KCNMB2: variants seen among roughly 807,000 people sequenced by gnomAD.
KCNMB2 encodes calcium-activated potassium channel subunit beta-2.
Under a neutral mutation model 24.5 loss-of-function variants are expected in KCNMB2, and 9 were observed. The observed-to-expected ratio is 0.37, with a 90% CI of 0.22 to 0.64. KCNMB2 has a LOEUF of 0.64. Ranked by LOEUF, KCNMB2 falls within the 30% of genes least tolerant of loss-of-function variation. The pLI is 0.63. For missense variants in KCNMB2, 226 were observed against 284.3 expected, an observed-to-expected ratio of 0.79 and a Z score of 1.47; for synonymous variants, 109 against 104.4, an observed-to-expected ratio of 1.04 and a Z score of -0.27.
Position 178,820,910 on chromosome 3 carries a change from C to T in KCNMB2, c.57-4678C>T, listed in dbSNP as rs557075181. 5.3e-5 allele frequency among the ~76,000 whole-genome samples: 8 copies of T among 152,318 alleles called. No homozygotes were observed. The South Asian group carries it at 1.7e-3, about 32-fold the overall frequency. ...GCACATATCTACTATTTGTTATTGT[C>T]AACATGTGGTTCACCCTGAAGCCAA... On this transcript the variant is annotated intron_variant, in intron 2 of 4. Coordinates refer to ENST00000452583, the MANE Select transcript of KCNMB2 (RefSeq NM_181361.3).
At chr3:178,594,153 G>A (rs537236533) in intron 1 of KCNMB2, among the ~76,000 whole-genome samples, 1 of 151,974 alleles carries the variant, frequency 6.6e-6, no homozygotes, top group African/African-American at 2.4e-5. Flanking sequence ...AGATTAGGTG[G>A]TAGACAGAAA....
intron 1 of KCNMB2, among the ~76,000 whole-genome samples, chr3:178,611,888 T>G (rs36011768): frequency 0.079 from 12,037 of 152,212 alleles, 573 homozygotes; most frequent in Middle Eastern, 0.21. Flanking sequence ...TAGACACTGA[T>G]AGCTATAAAC....
chr3:178,804,969 C>T (rs1356592622), intron 1 of KCNMB2, among the ~76,000 whole-genome samples: 2 of 152,080 alleles, frequency 1.3e-5, no homozygotes, highest in Admixed American at 6.6e-5. Context: ...GGATGTAGTC[C>T]CTATTCTATT....
chr3:178,537,898 A>C (rs1715463151), intron 1 of KCNMB2, among the ~76,000 whole-genome samples: 1 of 152,234 alleles, frequency 6.6e-6, no homozygotes, highest in South Asian at 2.1e-4. Context: ...CAGATATGTG[A>C]AATAATTATA....
intron 1 of KCNMB2, among the ~76,000 whole-genome samples, chr3:178,763,350 T>G (rs1711989081): frequency 6.6e-6 from 1 of 152,058 alleles, no homozygotes; most frequent in South Asian, 2.1e-4. Flanking sequence ...CACCAAAGAT[T>G]GGGGTTCAGT....
intron 1 of KCNMB2, among the ~76,000 whole-genome samples, chr3:178,724,922 G>A (rs138663820): frequency 7.9e-5 from 12 of 152,190 alleles, no homozygotes; most frequent in African/African-American, 1.7e-4. Context: ...AGTATAGTTC[G>A]AAGTTGGGTA....
At chr3:178,833,828 T>C (rs4499576) in intron 4 of KCNMB2, among the ~76,000 whole-genome samples, 98,146 of 152,040 alleles carry the variant, frequency 0.65, 33,590 homozygotes, top group African/African-American at 0.87. Flanking sequence ...ACCGAAGCTG[T>C]TTAAGCTGAT....
At chr3:178,659,669 T>C (rs1344698002) in intron 1 of KCNMB2, among the ~76,000 whole-genome samples, 1 of 152,314 alleles carries the variant, frequency 6.6e-6, no homozygotes, top group African/African-American at 2.4e-5. Flanking sequence ...GCCTCTGATA[T>C]ATAATGCAAG....
intron 1 of KCNMB2, among the ~76,000 whole-genome samples, chr3:178,780,718 T>C (rs533441959): frequency 5.4e-4 from 82 of 152,306 alleles, no homozygotes; most frequent in African/African-American, 1.9e-3. Context: ...TTGCATGACC[T>C]TGGGCAAATT....
At chr3:178,695,109 C>A (rs1318583628) in intron 1 of KCNMB2, among the ~76,000 whole-genome samples, 2 of 152,258 alleles carry the variant, frequency 1.3e-5, no homozygotes, top group African/African-American at 4.8e-5. Context: ...CTACACACTG[C>A]AGGACAAACA....
chr3:178,590,695 G>A lies in KCNMB2; in HGVS notation c.-68+53984G>A, dbSNP rs539299342. Among the ~76,000 whole-genome samples, 3 of 152,138 alleles carry A rather than the reference G, an allele frequency of 2.0e-5. No homozygotes were observed. The South Asian group carries it at 6.2e-4, about 32-fold the overall frequency. On this transcript the variant is annotated intron_variant, in intron 1 of 4. Coordinates refer to ENST00000452583, the MANE Select transcript of KCNMB2 (RefSeq NM_181361.3). Reference sequence around the variant, plus strand: ...TGAAATTAATGCACAGAACAGTTAAGTAACTTGCCTTGAGCCATACAGCTT... The same window carrying A: ...TGAAATTAATGCACAGAACAGTTAAATAACTTGCCTTGAGCCATACAGCTT...
chr3:178,836,781 C>T (rs1418941765), intron 4 of KCNMB2, among the ~76,000 whole-genome samples: 1 of 151,976 alleles, frequency 6.6e-6, no homozygotes, highest in African/African-American at 2.4e-5. Flanking sequence ...AAAGCTAAAT[C>T]TTCCCGTTCC....
intron 1 of KCNMB2, among the ~76,000 whole-genome samples, chr3:178,551,539 G>GA (rs1390431170): frequency 6.6e-6 from 1 of 152,126 alleles, no homozygotes; most frequent in Non-Finnish European, 1.5e-5. Flanking sequence ...GATTTGGAGG[G>GA]AAAATCCTTG....
intron 1 of KCNMB2, among the ~76,000 whole-genome samples, chr3:178,777,107 T>C (rs146405561): frequency 1.3e-5 from 2 of 152,090 alleles, no homozygotes; most frequent in Non-Finnish European, 2.9e-5. Context: ...GATTATGCCA[T>C]GTGAAGAATA....
intron 1 of KCNMB2, among the ~76,000 whole-genome samples, chr3:178,774,429 T>C (rs1712496546): frequency 6.6e-6 from 1 of 152,352 alleles, no homozygotes; most frequent in East Asian, 1.9e-4. Context: ...CTCACGGTTT[T>C]GGGGAATCCA....
chr3:178,548,355 T>G (rs1715842736), intron 1 of KCNMB2, among the ~76,000 whole-genome samples: 1 of 152,216 alleles, frequency 6.6e-6, no homozygotes, highest in South Asian at 2.1e-4. Flanking sequence ...ACCTTGATCA[T>G]GGAACTTCCC....
At chr3:178,793,742 T>C (rs532509121) in intron 1 of KCNMB2, among the ~76,000 whole-genome samples, 1 of 152,138 alleles carries the variant, frequency 6.6e-6, no homozygotes, top group Admixed American at 6.5e-5. Context: ...CTATCAGGGA[T>C]CCAAGCCAGC....
intron 1 of KCNMB2, among the ~76,000 whole-genome samples, chr3:178,708,402 A>G (rs928554871): frequency 6.6e-6 from 1 of 152,120 alleles, no homozygotes; most frequent in African/African-American, 2.4e-5. Context: ...ACATTCTCTC[A>G]TTTAATTCTC....
intron 1 of KCNMB2, among the ~76,000 whole-genome samples, chr3:178,578,477 T>C (rs974418248): frequency 3.3e-5 from 5 of 152,028 alleles, no homozygotes; most frequent in African/African-American, 1.2e-4. Flanking sequence ...CAACTGACAG[T>C]CAAAATAACC....
Sources: allele counts gnomAD v4.1 joint callset (sites outside exome capture counted in the v4.1 genomes callset), GRCh38; gene constraint gnomAD v4.1.1; transcripts MANE v1.5; gene names NCBI Gene and HGNC (gene_info 2026-07-23, HGNC 2026-07-21).